CD55: variants seen among roughly 807,000 people sequenced by gnomAD.
CD55 encodes complement decay-accelerating factor.
Under a neutral mutation model 45.8 loss-of-function variants are expected in CD55, and 41 were observed. That is an observed-to-expected ratio of 0.90 (90% confidence interval 0.70 to 1.16). The LOEUF is 1.16. Ranked by LOEUF, CD55 falls within the 50% of genes most tolerant of loss-of-function variation. The probability of loss-of-function intolerance (pLI) is 0.00; values close to 1 mark genes in which losing one functional copy is unlikely to be tolerated. For missense variants in CD55, 416 were observed against 469.8 expected (o/e 0.89, Z 1.06); for synonymous variants, 181 against 181.1 (o/e 1.00, Z 0.01).
At chr1:207,338,092 T>TA (rs1655265316) in intron 8 of CD55, among the ~76,000 whole-genome samples, 2 of 152,210 alleles carry the variant, frequency 1.3e-5, no homozygotes, top group African/African-American at 4.8e-5. Context: ...ATGTTATCGT[T>TA]AAAGTTCCCT....
intron 6 of CD55, among the ~76,000 whole-genome samples, chr1:207,336,447 T>G (rs1352115914): frequency 6.6e-6 from 1 of 152,160 alleles, no homozygotes; most frequent in Non-Finnish European, 1.5e-5. Flanking sequence ...AGAAGCAGCT[T>G]AAGCACCTCA....
chr1:207,352,116 A>G (rs1390749433), intron 9 of CD55, among the ~76,000 whole-genome samples: 3 of 151,938 alleles, frequency 2.0e-5, no homozygotes, highest in Admixed American at 6.5e-5. Context: ...TTTTTTTCCT[A>G]TTCTGCTAAG....
At chr1:207,331,317 T>C (rs374583759) in intron 6 of CD55, 21 bp downstream of exon 6, 20 of 1,601,514 alleles carry the variant, frequency 1.2e-5, no homozygotes, top group East Asian at 2.2e-5. Context: ...TGGATAGTTA[T>C]ATTTTTGCTT....
Position 207,333,355 on chromosome 1 carries a change from G to A in CD55, c.853+2059G>A, listed in dbSNP as rs543985983. Among the ~76,000 whole-genome samples the A allele has an allele frequency of 2.0e-5, 3 of 152,312 alleles. 1 individual carries two copies. The highest frequency in any genetic ancestry group is 7.2e-5 in the African/African-American group (3 of 41,556). Reference sequence around the variant, plus strand: ...CCGCCAGGCTTTCAGTCAGAAGCCCGGAAGGGCCACTCCCAAGGAACAGAG... The same window carrying A: ...CCGCCAGGCTTTCAGTCAGAAGCCCAGAAGGGCCACTCCCAAGGAACAGAG... On this transcript the variant is annotated intron_variant, in intron 6 of 9. Coordinates refer to ENST00000367064, the MANE Select transcript of CD55 (RefSeq NM_000574.5).
chr1:207,332,017 T>A (rs1654968850), intron 6 of CD55, among the ~76,000 whole-genome samples: 1 of 152,070 alleles, frequency 6.6e-6, no homozygotes, highest in African/African-American at 2.4e-5. Flanking sequence ...GTATGAATTT[T>A]AAAAATTCCT....
rs548910628 is a variant in CD55 at position 207,333,884 on chromosome 1, G to C, written c.853+2588G>C. ...ATATAGATAAAAGTTTGAGACATTT[G>C]AGACATGTTAAACTGTGCTAACACA... On this transcript the variant is annotated intron_variant, in intron 6 of 9. Coordinates refer to ENST00000367064, the MANE Select transcript of CD55 (RefSeq NM_000574.5). Among the ~76,000 whole-genome samples the C allele has an allele frequency of 4.4e-4, 67 of 152,200 alleles. 4 individuals carry two copies. In the South Asian group the frequency reaches 8.5e-3, roughly 19 times the overall value.
In CD55 at chr1:207,324,710, T is replaced by C; in HGVS notation, c.438T>C (p.Leu146=). 1 of 1,613,190 alleles carries C rather than the reference T, an allele frequency of 6.2e-7. No homozygotes were observed. The highest frequency in any genetic ancestry group is 8.5e-7 in the Non-Finnish European group (1 of 1,179,650). ...EPSLSPKLTC[L]QNLKWSTAVE... ...CTCTATCACCAAAACTAACTTGCCT[T>C]CAGAATTTAAAATGGTCCACAGCAG... is the stretch of plus-strand genomic sequence containing the variant. Residue 146 remains leucine, a synonymous_variant, in exon 3 of 10, where the codon CTT becomes CTC. Coordinates refer to ENST00000367064, the MANE Select transcript of CD55 (RefSeq NM_000574.5).
At chr1:207,329,913 C>A (rs1234899599) in intron 5 of CD55, among the ~76,000 whole-genome samples, 1 of 152,128 alleles carries the variant, frequency 6.6e-6, no homozygotes, top group Admixed American at 6.5e-5. Flanking sequence ...TGCCCCGCTG[C>A]CCCTTCTTTA....
chr1:207,355,534 GA>G (rs1656045024), intron 9 of CD55, among the ~76,000 whole-genome samples: 1 of 152,160 alleles, frequency 6.6e-6, no homozygotes, highest in Non-Finnish European at 1.5e-5. Flanking sequence ...TTTTTGAAAT[GA>G]AATTTAATCT....
chr1:207,345,768 A>T (rs1655607107), intron 9 of CD55, among the ~76,000 whole-genome samples: 1 of 152,154 alleles, frequency 6.6e-6, no homozygotes. Context: ...TTATGGTGTC[A>T]GTTAGGTGGG....
At chr1:207,327,204 G>A (rs1174092695) in intron 5 of CD55, among the ~76,000 whole-genome samples, 1 of 152,288 alleles carries the variant, frequency 6.6e-6, no homozygotes, top group Middle Eastern at 3.4e-3. Context: ...CAGAGGGTCT[G>A]TAAGACTTGA....
rs545256126 is a variant in CD55, at chr1:207,327,314, T to G, written c.664+477T>G. On this transcript the variant is annotated intron_variant, in intron 5 of 9. Transcript: ENST00000367064. ...AATCCAGTGTTGCCTACATGCTGCT[T>G]CTTAGGATTAAAATAATTAACCGAG... 2.6e-5 allele frequency among the ~76,000 whole-genome samples: 4 copies of G among 152,320 alleles called. 1 individual carries two copies. In the South Asian group the frequency reaches 8.3e-4, roughly 32 times the overall value.
At chr1:207,356,597 A>G (rs1656084501) in intron 9 of CD55, among the ~76,000 whole-genome samples, 1 of 152,150 alleles carries the variant, frequency 6.6e-6, no homozygotes, top group Non-Finnish European at 1.5e-5. Context: ...ATGCCAGTCC[A>G]GCTCAAAACA....
chr1:207,329,984 T>A (rs1654867681), intron 5 of CD55, among the ~76,000 whole-genome samples: 1 of 152,152 alleles, frequency 6.6e-6, no homozygotes, highest in Admixed American at 6.5e-5. Context: ...ATTCCCAGGC[T>A]GGCTACTTCG....
intron 9 of CD55, among the ~76,000 whole-genome samples, chr1:207,353,040 GT>G (rs386369456): frequency 0.33 from 15,854 of 48,398 alleles, 2,624 homozygotes; most frequent in Admixed American, 0.43. Context: ...CTATTACCAG[GT>G]TTTTTTTTTT....
chr1:207,356,401 G>A (rs926043631), intron 9 of CD55, among the ~76,000 whole-genome samples: 3 of 151,918 alleles, frequency 2.0e-5, no homozygotes, highest in Non-Finnish European at 2.9e-5. Flanking sequence ...ATTCAAAGGC[G>A]CATTTCAAAG....
rs185428440 is a variant in CD55 at position 207,348,091 on chromosome 1, A to G, written c.1081+8674A>G. ...TTTTGTTGGTTTGGGTATATACCCA[A>G]TAATGAGATTGCTAGGTCACATGGT... On this transcript the variant is annotated intron_variant, in intron 9 of 9. Transcript: ENST00000367064. Among the ~76,000 whole-genome samples the G allele has an allele frequency of 2.0e-5, 3 of 152,340 alleles. No individual in the cohort carries two copies. The East Asian group carries it at 5.8e-4, about 29-fold the overall frequency.
At chr1:207,337,146 C>T in intron 7 of CD55, 183 bp from the exon 8 acceptor site, 1 of 609,810 alleles carries the variant, frequency 1.6e-6, no homozygotes, top group Non-Finnish European at 2.9e-6. Flanking sequence ...CCTTCTGCAG[C>T]TCAGAATCCC....
chr1:207,337,653 G>C, intron 8 of CD55: 2 of 330,072 alleles, frequency 6.1e-6, no homozygotes, highest in Non-Finnish European at 5.4e-6. Flanking sequence ...GCTAAATTAA[G>C]ATTGGTAAAA....
Sources: allele counts gnomAD v4.1 joint callset (sites outside exome capture counted in the v4.1 genomes callset), GRCh38; gene constraint gnomAD v4.1.1; transcripts MANE v1.5; gene names NCBI Gene and HGNC (gene_info 2026-07-23, HGNC 2026-07-21).